Variants in RGS5 observed in about 807,000 individuals in gnomAD.
The protein encoded by RGS5 is regulator of G-protein signalling 5.
A neutral mutation model predicts 18.9 loss-of-function variants in RGS5; 20 were observed. That is an observed-to-expected ratio of 1.06 (90% CI 0.74 to 1.54). The LOEUF is 1.54. Among genes scored for constraint, RGS5 ranks in the 40% most tolerant of loss-of-function variants. The pLI, the probability that RGS5 is intolerant of heterozygous loss-of-function variation, is 0.00. For synonymous variants in RGS5, 57 were observed against 76.2 expected (o/e 0.75, Z 1.31); for missense variants, 201 against 211.8 (o/e 0.95, Z 0.32).
chr1:163,147,582 C>G (rs554328326), intron 4 of RGS5, 79 bp from the exon 5 acceptor site: 179 of 1,271,696 alleles, frequency 1.4e-4, no homozygotes, highest in Middle Eastern at 8.0e-4. Context: ...GGTGGAATTT[C>G]TCATCAATAA....
At chr1:163,305,768 ATCTC>A (rs1649680437) in intron 2 of RGS5, among the ~76,000 whole-genome samples, 2 of 152,152 alleles carry the variant, frequency 1.3e-5, no homozygotes, top group African/African-American at 4.8e-5. Flanking sequence ...TTTTGTTTGC[ATCTC>A]TATCTACTAT....
intron 4 of RGS5, among the ~76,000 whole-genome samples, chr1:163,150,687 G>T (rs935957768): frequency 6.6e-6 from 1 of 152,024 alleles, no homozygotes; most frequent in East Asian, 1.9e-4. Flanking sequence ...ATTCTTTCTA[G>T]CACCTTTTCA....
chr1:163,298,878 C>G (rs558947519), intron 2 of RGS5, among the ~76,000 whole-genome samples: 1 of 152,244 alleles, frequency 6.6e-6, no homozygotes, highest in South Asian at 2.1e-4. Context: ...TGAGTCTCAA[C>G]AACTGCTACT....
chr1:163,198,703 C>G (rs1003548898), intron 1 of RGS5, among the ~76,000 whole-genome samples: 1 of 152,126 alleles, frequency 6.6e-6, no homozygotes, highest in African/African-American at 2.4e-5. Flanking sequence ...GCAATCATAG[C>G]TCACTATAGC....
intron 1 of RGS5, among the ~76,000 whole-genome samples, chr1:163,317,420 C>T (rs191034761): frequency 6.6e-6 from 1 of 152,284 alleles, no homozygotes; most frequent in Non-Finnish European, 1.5e-5. Flanking sequence ...AGTTTTGCCA[C>T]TTCTACTTCC....
upstream of RGS5, among the ~76,000 whole-genome samples, chr1:163,221,313 C>T (rs189717579): frequency 1.6e-4 from 25 of 152,232 alleles, no homozygotes; most frequent in Non-Finnish European, 2.5e-4. Context: ...GCTTGGCCAA[C>T]GTGGTGAAAC....
chr1:163,204,930 A>G (rs1198041303), upstream of RGS5, among the ~76,000 whole-genome samples: 1 of 152,206 alleles, frequency 6.6e-6, no homozygotes. Flanking sequence ...TAAAAATCAA[A>G]GCATGTTTCT....
At chr1:163,319,809 A>G (rs1395958410) in intron 1 of RGS5, among the ~76,000 whole-genome samples, 1 of 152,194 alleles carries the variant, frequency 6.6e-6, no homozygotes, top group Non-Finnish European at 1.5e-5. Context: ...ATCAGAAAGA[A>G]TACTAAAGTT....
chr1:163,179,331 T>C (rs1354103319), intron 1 of RGS5, among the ~76,000 whole-genome samples: 1 of 152,236 alleles, frequency 6.6e-6, no homozygotes, highest in Non-Finnish European at 1.5e-5. Context: ...TAATGGTATC[T>C]ATTTCATAAG....
At chr1:163,288,530 C>A (rs982414939) in intron 2 of RGS5, among the ~76,000 whole-genome samples, 1 of 152,172 alleles carries the variant, frequency 6.6e-6, no homozygotes, top group Non-Finnish European at 1.5e-5. Context: ...AAATTCAATT[C>A]TCTCCTTCAG....
chr1:163,212,407 G>C (rs912092728), intron 1 of RGS5: 2 of 152,192 alleles, frequency 1.3e-5, no homozygotes, highest in Non-Finnish European at 2.9e-5. Flanking sequence ...AAATATCATA[G>C]CATTGCCTGG....
intron 1 of RGS5, among the ~76,000 whole-genome samples, chr1:163,214,768 G>C (rs1186069509): frequency 6.6e-6 from 1 of 151,694 alleles, no homozygotes; most frequent in Admixed American, 6.6e-5. Context: ...TTGCTTTTTG[G>C]AATTGAGCTT....
chr1:163,296,465 A>T (rs1368901565), intron 2 of RGS5, among the ~76,000 whole-genome samples: 1 of 152,200 alleles, frequency 6.6e-6, no homozygotes, highest in East Asian at 1.9e-4. Context: ...CCTGTGAGCT[A>T]AAACTGGACT....
intron 1 of RGS5, among the ~76,000 whole-genome samples, chr1:163,181,719 T>A (rs1255372448): frequency 1.3e-5 from 2 of 152,076 alleles, no homozygotes; most frequent in African/African-American, 4.8e-5. Flanking sequence ...TTGTCTTACT[T>A]CCTTGGTCTC....
At chr1:163,203,077 T>G (rs570368305), upstream of RGS5, 224 of 484,680 alleles carry the variant, frequency 4.6e-4, 1 homozygote, top group South Asian at 5.8e-3. Context: ...GGCACTACTG[T>G]GGCATAAGGC....
At chr1:163,172,687 C>G (rs1322667001) in intron 1 of RGS5, 5 of 1,348,482 alleles carry the variant, frequency 3.7e-6, no homozygotes, top group South Asian at 1.4e-5. Context: ...AAGTATAGAG[C>G]ATTATAAAGT....
At chr1:163,201,809 C>T (rs537627460) in intron 1 of RGS5, among the ~76,000 whole-genome samples, 92 of 152,262 alleles carry the variant, frequency 6.0e-4, no homozygotes, top group Admixed American at 3.9e-3. Context: ...CCGAGACAAA[C>T]ACTGCTAATG....
intron 2 of RGS5, among the ~76,000 whole-genome samples, chr1:163,165,164 A>G (rs1335494351): frequency 6.6e-6 from 1 of 152,156 alleles, no homozygotes; most frequent in Admixed American, 6.5e-5. Flanking sequence ...GATCTTTAGT[A>G]CTCACAACCA....
At chr1:163,207,460 T>C (rs1286888989), upstream of RGS5, among the ~76,000 whole-genome samples, 1 of 152,158 alleles carries the variant, frequency 6.6e-6, no homozygotes, top group African/African-American at 2.4e-5. Context: ...CAGAAATAAA[T>C]GAGAGCCTCA....
Sources: gnomAD v4.1 joint callset for allele counts (sites outside exome capture counted in the v4.1 genomes callset) on GRCh38, gnomAD v4.1.1 for gene constraint, MANE v1.5 for transcripts, NCBI Gene and HGNC (gene_info 2026-07-23, HGNC 2026-07-21) for gene names.